Variants in ODAPH observed in about 807,000 individuals in gnomAD.
ODAPH encodes amelogenesis imperfecta type IIA4.
Under a neutral mutation model 2.8 loss-of-function variants are expected in ODAPH, and 2 were observed. That is an observed-to-expected ratio of 0.72 (90% CI 0.30 to 2.28). The LOEUF (loss-of-function observed/expected upper bound fraction) is 2.28. Among genes scored for constraint, ODAPH ranks in the 30% most tolerant of loss-of-function variants. The probability of loss-of-function intolerance (pLI) is 0.13; values close to 1 mark genes in which losing one functional copy is unlikely to be tolerated. For missense variants in ODAPH, 159 were observed against 163.3 expected, an observed-to-expected ratio of 0.97 and a Z score of 0.14; for synonymous variants, 75 against 60.3, an observed-to-expected ratio of 1.24 and a Z score of -1.13.
chr4:75,556,067 C>G lies in ODAPH; in HGVS notation c.-16C>G, dbSNP rs1348252105. ...AGCAACATCAGGTTCAACGCAGTGA[C>G]TGCTCAGTAGAAGCCATGGCTCGCA... On this transcript the variant is annotated 5_prime_UTR_variant, in exon 1 of 2. Transcript: ENST00000311623. The G allele has an allele frequency of 6.2e-7, 1 of 1,613,618 alleles. No homozygotes were observed. Among genetic ancestry groups the G allele is most frequent in the African/African-American group, 1.3e-5 (1 of 74,936 alleles).
chr4:75,557,106 C>T (rs906212865), intron 1 of ODAPH, among the ~76,000 whole-genome samples: 1 of 152,128 alleles, frequency 6.6e-6, no homozygotes, highest in Admixed American at 6.5e-5. Flanking sequence ...CCAACCTCTG[C>T]ACACACTCTG....
At chr4:75,561,699 T>C (rs1340556090) in intron 1 of ODAPH, among the ~76,000 whole-genome samples, 1 of 151,966 alleles carries the variant, frequency 6.6e-6, no homozygotes, top group African/African-American at 2.4e-5. Flanking sequence ...ATACAAAAAT[T>C]AGCTAGGCGT....
Position 75,558,824 on chromosome 4 carries a change from T to C in ODAPH, c.67+2675T>C, listed in dbSNP as rs138650390. Among the ~76,000 whole-genome samples the C allele has an allele frequency of 2.0e-4, 31 of 152,150 alleles. No individual in the cohort carries two copies. The East Asian group carries it at 6.0e-3, about 29-fold the overall frequency. On this transcript the variant is annotated intron_variant, in intron 1 of 1. Transcript: ENST00000311623. ...GATTCTCCTGCCTCAGCCTCCAGAGTAGCTGGGATTACAAGTGTCTGCCAC... is the reference window on the plus strand; with the variant it reads ...GATTCTCCTGCCTCAGCCTCCAGAGCAGCTGGGATTACAAGTGTCTGCCAC...
In ODAPH at chr4:75,564,308, A is replaced by G; in HGVS notation, c.262A>G (p.Arg88Gly). Residue 88 changes from arginine (R) to glycine (G), a missense_variant, in exon 2 of 2, where the codon AGA (arginine) becomes GGA (glycine). Coordinates refer to ENST00000311623, the MANE Select transcript of ODAPH (RefSeq NM_178497.5). ...CAGAATCCATTTTAGGTTTCCAAAC[A>G]GACCTTTCGTCCCTTCAAGGTGTAA... ...RPRIHFRFPNRPFVPSRCNHR... is the reference protein window; with the variant it reads ...RPRIHFRFPNGPFVPSRCNHR... 1 of 1,614,216 alleles carries G rather than the reference A, an allele frequency of 6.2e-7. No individual in the cohort carries two copies. Among genetic ancestry groups the G allele is most frequent in the Non-Finnish European group, 8.5e-7 (1 of 1,180,042 alleles).
rs1318909305 is a variant in ODAPH at position 75,556,623 on chromosome 4, C to T, written c.67+474C>T. On this transcript the variant is annotated intron_variant, in intron 1 of 1. Coordinates refer to ENST00000311623, the MANE Select transcript of ODAPH (RefSeq NM_178497.5). ...CTTTGTTCATTGCTTTAATTAATCA[C>T]ATCTATTGAGCTGCATTTTGGTGCC... is the stretch of plus-strand genomic sequence containing the variant. 4 of 1,478,652 alleles carry T rather than the reference C, an allele frequency of 2.7e-6. No homozygotes were observed. In the Admixed American group the frequency reaches 5.9e-5, roughly 22 times the overall value. The allele number at this position is 1,478,652 out of a possible 1,614,324, so 91.6% of individuals were successfully genotyped here. A position where few individuals can be genotyped will look rare whatever the true frequency, so the allele number is the denominator to read the frequency against.
At chr4:75,558,107 C>A (rs1727416339) in intron 1 of ODAPH, among the ~76,000 whole-genome samples, 2 of 152,180 alleles carry the variant, frequency 1.3e-5, no homozygotes, top group Admixed American at 1.3e-4. Context: ...TGAGCTCAGG[C>A]TCTTAATCTT....
Position 75,564,213 on chromosome 4 carries a change from G to T in ODAPH, c.167G>T (p.Ser56Ile). Residue 56 changes from serine (S) to isoleucine (I), a missense_variant, in exon 2 of 2, where the codon AGT becomes ATT. Ser to Ile is a moderately radical substitution (Grantham distance 142, BLOSUM62 -2). Coordinates refer to ENST00000311623, the MANE Select transcript of ODAPH (RefSeq NM_178497.5). ...FTLTPPPAPR[S>I]PVTRAQPITK... ...CTCACCCCTCCACCTGCCCCGAGGA[G>T]TCCGGTCACAAGGGCCCAGCCCATC... The T allele has an allele frequency of 6.2e-7, 1 of 1,614,208 alleles. No homozygotes were observed. Among genetic ancestry groups the T allele is most frequent in the Middle Eastern group, 1.6e-4 (1 of 6,062 alleles).
rs763152187 is a variant in ODAPH at position 75,564,570 on chromosome 4, A to G, written c.*131A>G. On this transcript the variant is annotated 3_prime_UTR_variant, in exon 2 of 2. Transcript: ENST00000311623. Reference sequence around the variant, plus strand: ...TTGAAGATTAAGTATCCTAAACATCACTGACTAGAAACTGTTCTCTTTGTC... The same window carrying G: ...TTGAAGATTAAGTATCCTAAACATCGCTGACTAGAAACTGTTCTCTTTGTC... 18 of 1,552,236 alleles carry G rather than the reference A, an allele frequency of 1.2e-5. No homozygotes were observed. In the African/African-American group the frequency reaches 2.3e-4, roughly 20 times the overall value.
intron 1 of ODAPH, among the ~76,000 whole-genome samples, chr4:75,561,964 G>A (rs1310048292): frequency 1.3e-5 from 2 of 152,198 alleles, no homozygotes; most frequent in Non-Finnish European, 2.9e-5. Flanking sequence ...TCTATGTGCA[G>A]ACTGGCTTCT....
intron 1 of ODAPH, 74 bp downstream of exon 1, chr4:75,556,223 T>C (rs1727333765): frequency 4.5e-6 from 6 of 1,339,518 alleles, no homozygotes; most frequent in Non-Finnish European, 6.4e-6. Flanking sequence ...ACTGGCTCCA[T>C]GATTATACGT....
intron 1 of ODAPH, among the ~76,000 whole-genome samples, chr4:75,562,496 C>A (rs1030338644): frequency 6.6e-6 from 1 of 151,952 alleles, no homozygotes; most frequent in East Asian, 1.9e-4. Context: ...TGCACCACCA[C>A]GCCCGGCTAA....
intron 1 of ODAPH, among the ~76,000 whole-genome samples, chr4:75,560,828 T>A (rs938849453): frequency 6.6e-6 from 1 of 151,898 alleles, no homozygotes; most frequent in Non-Finnish European, 1.5e-5. Flanking sequence ...GGTGGGTGGG[T>A]GGTTTTTAAC....
At position 75,564,459 on chromosome 4, in the gene ODAPH, C is replaced by T. The variant is rs775653502; in HGVS notation, c.*20C>T. ...AGCTGAGAGGGAAGAGAAACCCAAA[C>T]ATACTGAAGCAAAAAAAAGCCTATC... On this transcript the variant is annotated 3_prime_UTR_variant, in exon 2 of 2. Coordinates refer to ENST00000311623, the MANE Select transcript of ODAPH (RefSeq NM_178497.5). The T allele has an allele frequency of 1.2e-6, 2 of 1,613,892 alleles. No homozygotes were observed. The highest frequency in any genetic ancestry group is 4.5e-5 in the East Asian group (2 of 44,892).
At chr4:75,559,315 G>A (rs1490530671) in intron 1 of ODAPH, among the ~76,000 whole-genome samples, 1 of 152,200 alleles carries the variant, frequency 6.6e-6, no homozygotes, top group African/African-American at 2.4e-5. Context: ...TAACATTCAA[G>A]ATTAATAACC....
chr4:75,561,858 C>T (rs769883179), intron 1 of ODAPH, among the ~76,000 whole-genome samples: 11 of 151,810 alleles, frequency 7.2e-5, no homozygotes, highest in Non-Finnish European at 1.0e-4. Context: ...AAAAAAGAAA[C>T]ACACACACAC....
In ODAPH at chr4:75,564,407, C is replaced by G. The variant is rs150408808; in HGVS notation, c.361C>G (p.Leu121Val). The change falls in exon 2 of 2, where the codon CTC becomes GTC. Residue 121 changes from leucine to valine, a missense_variant. Transcript: ENST00000311623. ...TTATAGGTATTTCCCCAGAAGAAGA[C>G]TCCAGAGAGGAAGCTCATCTGAGGA... is the stretch of plus-strand genomic sequence containing the variant. ...LTYRYFPRRR[L>V]QRGSSSEES The G allele has an allele frequency of 6.2e-5, 100 of 1,614,148 alleles. No homozygotes were observed. In the African/African-American group the frequency reaches 1.3e-3, roughly 20 times the overall value.
intron 1 of ODAPH, among the ~76,000 whole-genome samples, chr4:75,561,228 A>AAC (rs1727562738): frequency 1.3e-5 from 2 of 150,930 alleles, no homozygotes; most frequent in African/African-American, 4.9e-5. Context: ...AATCTCAAAA[A>AAC]AAAAAAAAAA....
chr4:75,564,087 T>C, intron 1 of ODAPH, 27 bp from the exon 2 acceptor site: 1 of 1,612,046 alleles, frequency 6.2e-7, no homozygotes, highest in Non-Finnish European at 8.5e-7. Flanking sequence ...CAGACCTGTT[T>C]CCTGACTTGC....
chr4:75,556,778 G>A (rs1174595085), intron 1 of ODAPH, among the ~76,000 whole-genome samples: 1 of 152,084 alleles, frequency 6.6e-6, no homozygotes, highest in Non-Finnish European at 1.5e-5. Flanking sequence ...AAACCCCTAG[G>A]AAAAGGAAAG....
Sources: gnomAD v4.1 joint callset for allele counts (sites outside exome capture counted in the v4.1 genomes callset) on GRCh38, gnomAD v4.1.1 for gene constraint, MANE v1.5 for transcripts, NCBI Gene and HGNC (gene_info 2026-07-23, HGNC 2026-07-21) for gene names.